RYR3: variants seen among roughly 807,000 people sequenced by gnomAD.
The protein encoded by RYR3 is ryanodine receptor 3, also known as brain ryanodine receptor-calcium release channel.
Under a neutral mutation model 584.3 loss-of-function variants are expected in RYR3, and 207 were observed. The observed-to-expected ratio is 0.35, with a 90% confidence interval of 0.32 to 0.40. The LOEUF (loss-of-function observed/expected upper bound fraction) is 0.40. Ranked by LOEUF, RYR3 falls within the 10% of genes least tolerant of loss-of-function variation. RYR3 has a pLI of 1.00. For missense variants in RYR3, 5,616 were observed against 6,089.2 expected (o/e 0.92, Z 2.59); for synonymous variants, 2,416 against 2,248.5 (o/e 1.07, Z -2.11).
chr15:33,591,572 T>C (rs2059130865), intron 16 of RYR3, among the ~76,000 whole-genome samples: 1 of 152,226 alleles, frequency 6.6e-6, no homozygotes, highest in South Asian at 2.1e-4. Context: ...GAATAACTGA[T>C]GAAAATTCTA....
At chr15:33,515,811 T>C (rs2053465440) in intron 3 of RYR3, among the ~76,000 whole-genome samples, 1 of 152,234 alleles carries the variant, frequency 6.6e-6, no homozygotes, top group African/African-American at 2.4e-5. Flanking sequence ...TGTCTGTCTA[T>C]AAAAATTCAT....
chr15:33,536,111 G>A (rs1449356826), intron 5 of RYR3, among the ~76,000 whole-genome samples: 4 of 152,132 alleles, frequency 2.6e-5, no homozygotes, highest in Non-Finnish European at 5.9e-5. Flanking sequence ...AGGTTCACAC[G>A]GAATCCAACA....
At chr15:33,471,097 C>G (rs1189433160) in intron 1 of RYR3, among the ~76,000 whole-genome samples, 1 of 152,192 alleles carries the variant, frequency 6.6e-6, no homozygotes. Context: ...GTCAGGCACT[C>G]AAAAGCTCCA....
At chr15:33,591,323 T>C (rs907108768) in intron 16 of RYR3, among the ~76,000 whole-genome samples, 3 of 152,256 alleles carry the variant, frequency 2.0e-5, no homozygotes, top group Admixed American at 1.3e-4. Context: ...CCTTCTATTA[T>C]AGTTATTTTT....
chr15:33,733,271 CTT>C (rs1419634164), intron 48 of RYR3, among the ~76,000 whole-genome samples: 2 of 152,208 alleles, frequency 1.3e-5, no homozygotes, highest in African/African-American at 4.8e-5. Flanking sequence ...GAGTTGGAAA[CTT>C]ATGTCCATAC....
intron 5 of RYR3, among the ~76,000 whole-genome samples, chr15:33,534,614 TA>T (rs1021620025): frequency 3.9e-5 from 6 of 152,158 alleles, no homozygotes; most frequent in Admixed American, 3.3e-4. Context: ...AAACCAAAAA[TA>T]AAGAACCGAG....
At chr15:33,375,120 C>G (rs2040627497) in intron 1 of RYR3, among the ~76,000 whole-genome samples, 1 of 152,270 alleles carries the variant, frequency 6.6e-6, no homozygotes, top group South Asian at 2.1e-4. Flanking sequence ...TTATTGCTCT[C>G]TAACTAAGGA....
intron 19 of RYR3, among the ~76,000 whole-genome samples, chr15:33,622,873 G>C (rs774327694): frequency 6.6e-6 from 1 of 152,154 alleles, no homozygotes; most frequent in Non-Finnish European, 1.5e-5. Flanking sequence ...TTTTGAAATA[G>C]CTTACTTTCA....
intron 1 of RYR3, among the ~76,000 whole-genome samples, chr15:33,430,282 A>C (rs1278332708): frequency 1.3e-5 from 2 of 152,234 alleles, no homozygotes; most frequent in Non-Finnish European, 2.9e-5. Flanking sequence ...GATGCGTTAC[A>C]GATAAGGGTT....
At chr15:33,733,466 C>T (rs1427644281) in intron 48 of RYR3, among the ~76,000 whole-genome samples, 1 of 152,126 alleles carries the variant, frequency 6.6e-6, no homozygotes, top group Admixed American at 6.5e-5. Flanking sequence ...GAACCTTAAA[C>T]CCATATTACT....
intron 3 of RYR3, 37 bp from the exon 4 acceptor site, chr15:33,530,555 G>T (rs754631094): frequency 1.4e-6 from 2 of 1,461,504 alleles, no homozygotes; most frequent in Non-Finnish European, 1.9e-6. Context: ...AAGCCACAAC[G>T]GGCATGTGCT....
intron 72 of RYR3, among the ~76,000 whole-genome samples, chr15:33,811,556 T>TTTG (rs1373981718): frequency 5.3e-5 from 8 of 150,990 alleles, no homozygotes; most frequent in Middle Eastern, 6.8e-3. Context: ...TTAATGTATG[T>TTTG]TTGTTTGTTT....
chr15:33,855,685 C>A (rs189477462), intron 98 of RYR3, among the ~76,000 whole-genome samples: 41 of 151,870 alleles, frequency 2.7e-4, no homozygotes, highest in African/African-American at 9.2e-4. Flanking sequence ...TACACACACA[C>A]ATATGTATAT....
chr15:33,527,399 G>A (rs2054483556), intron 3 of RYR3, among the ~76,000 whole-genome samples: 1 of 152,094 alleles, frequency 6.6e-6, no homozygotes, highest in African/African-American at 2.4e-5. Context: ...GGCCAACATG[G>A]GAAAACCCCA....
At chr15:33,858,421 G>A (rs2079945125) in intron 99 of RYR3, among the ~76,000 whole-genome samples, 1 of 151,974 alleles carries the variant, frequency 6.6e-6, no homozygotes, top group Non-Finnish European at 1.5e-5. Context: ...TGGTCAGGCT[G>A]GTCTCAAACT....
At chr15:33,721,789 C>T (rs1025747858) in intron 43 of RYR3, among the ~76,000 whole-genome samples, 3 of 151,742 alleles carry the variant, frequency 2.0e-5, no homozygotes, top group Non-Finnish European at 2.9e-5. Flanking sequence ...TTAAGTTGTT[C>T]GAACAAGCTA....
Position 33,652,812 on chromosome 15 carries a change from T to C in RYR3, c.4237T>C (p.Cys1413Arg). ...NRSNVDLEIG[C>R]LVDLAMGMLS... The stretch of plus-strand genomic sequence containing the variant: ...GAGCAACGTGGACCTGGAGATCGGC[T>C]GTCTCGTGGATCTGGCCATGGGCAT... The change falls in exon 32 of 104, where the codon TGT becomes CGT. Residue 1413 changes from cysteine (C) to arginine (R), a missense_variant. Around this residue, in one of 9 missense-constraint regions of RYR3, gnomAD observed 753 missense variants for 741.0 expected, o/e 1.02. Transcript: ENST00000634891. 6.2e-7 allele frequency: 1 copy of C among 1,613,948 alleles called. No individual in the cohort carries two copies. The highest frequency in any genetic ancestry group is 8.5e-7 in the Non-Finnish European group (1 of 1,179,860).
chr15:33,717,797 TG>T (rs1382745759), intron 43 of RYR3, among the ~76,000 whole-genome samples: 1 of 152,230 alleles, frequency 6.6e-6, no homozygotes, highest in African/African-American at 2.4e-5. Context: ...TTGACTGTCC[TG>T]GTTACTGCTT....
chr15:33,615,607 T>C (rs1342863213), intron 19 of RYR3, among the ~76,000 whole-genome samples: 1 of 152,178 alleles, frequency 6.6e-6, no homozygotes, highest in Non-Finnish European at 1.5e-5. Flanking sequence ...TTTACTGAGG[T>C]TGAAAATCTT....
Sources: gnomAD v4.1 joint callset for allele counts (sites outside exome capture counted in the v4.1 genomes callset) on GRCh38, gnomAD v4.1.1 for gene constraint, gnomAD v4.1.1 regional missense constraint, MANE v1.5 for transcripts, NCBI Gene and HGNC (gene_info 2026-07-23, HGNC 2026-07-21) for gene names.